The following PIEZO2 variants were observed in gnomAD, a reference collection of about 807,000 sequenced individuals.
PIEZO2 encodes the protein piezo-type mechanosensitive ion channel component 2.
In PIEZO2, 172 loss-of-function variants were observed where a neutral mutation model predicts 337.3. The observed-to-expected ratio is 0.51, with a 90% confidence interval of 0.45 to 0.58. PIEZO2 has a LOEUF of 0.58. Among genes scored for constraint, PIEZO2 ranks in the 20% least tolerant of loss-of-function variants. PIEZO2 has a pLI of 0.00. For synonymous variants in PIEZO2, 1,251 were observed against 1,228.5 expected, an observed-to-expected ratio of 1.02 and a Z score of -0.38; for missense variants, 3,028 against 3,391.3, an observed-to-expected ratio of 0.89 and a Z score of 2.66.
At chr18:10,885,390 C>T (rs1378832755) in intron 4 of PIEZO2, among the ~76,000 whole-genome samples, 1 of 152,114 alleles carries the variant, frequency 6.6e-6, no homozygotes, top group East Asian at 1.9e-4. Flanking sequence ...AGCAACTGCA[C>T]TCCAGCCTGG....
At chr18:10,797,896 G>A (rs1215885110) in intron 11 of PIEZO2, among the ~76,000 whole-genome samples, 1 of 152,222 alleles carries the variant, frequency 6.6e-6, no homozygotes, top group Non-Finnish European at 1.5e-5. Context: ...TAGAGGGGAT[G>A]AAGGGTCACT....
rs2041897407 is a variant in PIEZO2, at chr18:10,862,359, A to G, written c.493-5148T>C. Among the ~76,000 whole-genome samples, 3 of 152,200 alleles carry G rather than the reference A, an allele frequency of 2.0e-5. No homozygotes were observed. The highest frequency in any genetic ancestry group is 2.0e-4 in the Admixed American group (3 of 15,280). On this transcript the variant is annotated intron_variant, in intron 5 of 55. Transcript: ENST00000674853. The surrounding 1 kb of genome is among the most constrained non-coding windows in gnomAD (Gnocchi z 4.4). Reference sequence around the variant, plus strand: ...AGGTGCTATGGAATCAACTTTACACAAGGCCAGCCTGTTCTCTGTTAGGGC... The same window carrying G: ...AGGTGCTATGGAATCAACTTTACACGAGGCCAGCCTGTTCTCTGTTAGGGC...
chr18:10,866,009 T>C (rs1470352459), intron 5 of PIEZO2, among the ~76,000 whole-genome samples: 2 of 152,184 alleles, frequency 1.3e-5, no homozygotes, highest in Non-Finnish European at 2.9e-5. Context: ...AAAATATTGA[T>C]CTAAAAAGAT....
chr18:10,860,984 C>T (rs1013811770), intron 5 of PIEZO2, among the ~76,000 whole-genome samples: 2 of 152,194 alleles, frequency 1.3e-5, no homozygotes, highest in Non-Finnish European at 2.9e-5. Context: ...AAGAGCGAGA[C>T]GGGTTAGACT....
chr18:10,749,489 TAATAATA>T (rs2143736839), intron 29 of PIEZO2, among the ~76,000 whole-genome samples: 1 of 129,198 alleles, frequency 7.7e-6, no homozygotes, highest in South Asian at 2.3e-4. Flanking sequence ...GATAAATAAA[TAATAATA>T]AATAAATAGA....
intron 3 of PIEZO2, among the ~76,000 whole-genome samples, chr18:10,918,593 A>C (rs570214478): frequency 6.6e-6 from 1 of 152,208 alleles, no homozygotes; most frequent in Admixed American, 6.5e-5. Flanking sequence ...CGCTTTTCAA[A>C]ATAAATAGCT....
chr18:11,123,159 C>A, intron 1 of PIEZO2, among the ~76,000 whole-genome samples: 1 of 152,104 alleles, frequency 6.6e-6, no homozygotes, highest in East Asian at 1.9e-4. Context: ...CAACAGATCA[C>A]AAAAGCTTAC....
rs145620428 is a variant in PIEZO2, at chr18:11,082,698, C to G, written c.65-16476G>C. ...AAAGTTTTTTTTATCAGAAAAAGAA[C>G]TAGAGTATATGTGTGTATGTGTGAG... is the stretch of plus-strand genomic sequence containing the variant. On this transcript the variant is annotated intron_variant, in intron 1 of 55. Transcript: ENST00000674853. Among the ~76,000 whole-genome samples, 656 of 152,236 alleles carry G rather than the reference C, an allele frequency of 4.3e-3. 3 individuals are homozygous for G. Among genetic ancestry groups the G allele is most frequent in the African/African-American group, 0.015 (632 of 41,536 alleles).
chr18:11,125,604 T>C lies in PIEZO2; in HGVS notation c.64+22921A>G, dbSNP rs2040161190. Among the ~76,000 whole-genome samples the C allele has an allele frequency of 6.6e-6, 1 of 152,140 alleles. No individual in the cohort carries two copies. Among genetic ancestry groups the C allele is most frequent in the Non-Finnish European group, 1.5e-5 (1 of 68,014 alleles). Reference sequence around the variant, plus strand: ...AAAGATTACCCTGCAGAGAAGAGCATCCTGGTTTTATGAAGTCCTGTTGTA... The same window carrying C: ...AAAGATTACCCTGCAGAGAAGAGCACCCTGGTTTTATGAAGTCCTGTTGTA... On this transcript the variant is annotated intron_variant, in intron 1 of 55. Transcript: ENST00000674853. This position sits in a 1 kb window ranked among gnomAD's most constrained non-coding sequence, Gnocchi z 4.4.
intron 3 of PIEZO2, among the ~76,000 whole-genome samples, chr18:10,978,154 C>A (rs2034520905): frequency 6.6e-6 from 1 of 152,022 alleles, no homozygotes. Flanking sequence ...AACAGTGTCT[C>A]TACTAAAAAA....
At position 10,800,371 on chromosome 18, in the gene PIEZO2, A is replaced by C; in HGVS notation, c.1344T>G (p.Pro448=). The change falls in exon 11 of 56, where the codon CCT becomes CCG. Residue 448 remains proline, a synonymous_variant. Coordinates refer to ENST00000674853, the MANE Select transcript of PIEZO2 (RefSeq NM_001378183.1). ...GPGKADLYST[P]QYRWEPSDES... is the part of the protein sequence containing the mutation. ...CATCAGAGGGCTCCCACCGGTACTG[A>C]GGGGTGGAGTAGAGGTCGGCTTTGC... The C allele has an allele frequency of 6.5e-7, 1 of 1,535,974 alleles. No individual in the cohort carries two copies. The highest frequency in any genetic ancestry group is 1.2e-5 in the South Asian group (1 of 83,794).
chr18:11,054,500 G>A (rs889906957), intron 2 of PIEZO2, among the ~76,000 whole-genome samples: 4 of 152,178 alleles, frequency 2.6e-5, no homozygotes, highest in Admixed American at 2.6e-4. Flanking sequence ...CTGAACGAAC[G>A]CCTGCTATAT....
At chr18:10,974,528 T>C (rs533767079) in intron 3 of PIEZO2, among the ~76,000 whole-genome samples, 4 of 152,286 alleles carry the variant, frequency 2.6e-5, no homozygotes, top group African/African-American at 9.6e-5. Context: ...TTTAGCCCTT[T>C]GAAAATAGAC....
rs552423774 is a variant in PIEZO2, at chr18:10,872,604, C to T, written c.330-1189G>A. ...ACACGGGCCAGCCATGTCCCTCATCCGGTGCTAGATGCCTGCCCTGTGTGC... is the reference window on the plus strand; with the variant it reads ...ACACGGGCCAGCCATGTCCCTCATCTGGTGCTAGATGCCTGCCCTGTGTGC... On this transcript the variant is annotated intron_variant, in intron 4 of 55. Coordinates refer to ENST00000674853, the MANE Select transcript of PIEZO2 (RefSeq NM_001378183.1). This position sits in a 1 kb window ranked among gnomAD's most constrained non-coding sequence, Gnocchi z 4.3. 4.1e-4 allele frequency among the ~76,000 whole-genome samples: 63 copies of T among 152,276 alleles called. No individual in the cohort carries two copies. Among genetic ancestry groups the T allele is most frequent in the African/African-American group, 1.5e-3 (63 of 41,546 alleles).
intron 4 of PIEZO2, among the ~76,000 whole-genome samples, chr18:10,884,873 A>G (rs930812596): frequency 2.0e-5 from 3 of 152,188 alleles, no homozygotes; most frequent in African/African-American, 7.2e-5. Context: ...CTAGAAGATA[A>G]CAAGGAAGAG....
In PIEZO2 at chr18:10,859,665, G is replaced by A. The variant is rs1023532153; in HGVS notation, c.493-2454C>T. Reference sequence around the variant, plus strand: ...TTGTCTCTTAAGGTGAAACACTCCAGCAGAGTGGGCTGGACTCACCATTCC... The same window carrying A: ...TTGTCTCTTAAGGTGAAACACTCCAACAGAGTGGGCTGGACTCACCATTCC... On this transcript the variant is annotated intron_variant, in intron 5 of 55. Coordinates refer to ENST00000674853, the MANE Select transcript of PIEZO2 (RefSeq NM_001378183.1). The surrounding 1 kb of genome is among the most constrained non-coding windows in gnomAD (Gnocchi z 4.9). Among the ~76,000 whole-genome samples, 5 of 152,226 alleles carry A rather than the reference G, an allele frequency of 3.3e-5. No individual in the cohort carries two copies. The highest frequency in any genetic ancestry group is 2.0e-4 in the Admixed American group (3 of 15,284).
chr18:10,802,248 C>G (rs1414786020), intron 9 of PIEZO2, among the ~76,000 whole-genome samples: 3 of 151,958 alleles, frequency 2.0e-5, no homozygotes, highest in African/African-American at 4.8e-5. Context: ...TGGGCTTCCC[C>G]CAAATAATAA....
intron 43 of PIEZO2, among the ~76,000 whole-genome samples, chr18:10,700,072 A>C (rs1256241557): frequency 6.6e-6 from 1 of 151,422 alleles, no homozygotes; most frequent in Non-Finnish European, 1.5e-5. Context: ...ATTCTTATAA[A>C]CATAACAAAC....
chr18:10,933,356 TTTC>T (rs1440043969), intron 3 of PIEZO2, among the ~76,000 whole-genome samples: 2 of 152,174 alleles, frequency 1.3e-5, no homozygotes, highest in African/African-American at 4.8e-5. Flanking sequence ...TTGGAGTAAT[TTTC>T]TTCTTCATTT....
Sources: gnomAD v4.1 joint callset for allele counts (sites outside exome capture counted in the v4.1 genomes callset) on GRCh38, gnomAD v4.1.1 for gene constraint, Gnocchi (gnomAD v3.1) non-coding constraint, MANE v1.5 for transcripts, NCBI Gene and HGNC (gene_info 2026-07-23, HGNC 2026-07-21) for gene names.